Variants in STAG1 observed in about 807,000 individuals in gnomAD.
The protein encoded by STAG1 is STAG1 cohesin complex component, also known as cohesin subunit SA-1.
In STAG1, 26 loss-of-function variants were observed where a neutral mutation model predicts 170.9. That is an observed-to-expected ratio of 0.15 (90% confidence interval 0.11 to 0.21). The LOEUF (loss-of-function observed/expected upper bound fraction) is 0.21, where lower values mean the gene tolerates loss of function less well. Ranked by LOEUF, STAG1 falls within the 10% of genes least tolerant of loss-of-function variation. The probability of loss-of-function intolerance (pLI) is 1.00; values close to 1 mark genes in which losing one functional copy is unlikely to be tolerated. For missense variants in STAG1, 964 were observed against 1,509.5 expected, an observed-to-expected ratio of 0.64 and a Z score of 5.99; for synonymous variants, 514 against 497.7, an observed-to-expected ratio of 1.03 and a Z score of -0.44.
In STAG1 at chr3:136,702,812, G is replaced by A. The variant is rs554374383; in HGVS notation, c.-84+49383C>T. Among the ~76,000 whole-genome samples, 140 of 152,150 alleles carry A rather than the reference G, an allele frequency of 9.2e-4. 1 individual carries two copies. The South Asian group carries it at 0.013, about 14-fold the overall frequency. On this transcript the variant is annotated intron_variant, in intron 1 of 33. Transcript: ENST00000383202. ...GGGCCAGGCACGGTGGCTCACACCCGTAATCCCAGCACTATGAGAGGCCGA... is the reference window on the plus strand; with the variant it reads ...GGGCCAGGCACGGTGGCTCACACCCATAATCCCAGCACTATGAGAGGCCGA...
chr3:136,604,229 T>C (rs1160778075), intron 4 of STAG1, 80 bp downstream of exon 4: 3 of 1,252,542 alleles, frequency 2.4e-6, no homozygotes, highest in Non-Finnish European at 3.3e-6. Flanking sequence ...GTATATAAAG[T>C]GCCAATATAC....
intron 3 of STAG1, among the ~76,000 whole-genome samples, chr3:136,618,627 T>G (rs139232073): frequency 6.6e-6 from 1 of 152,206 alleles, no homozygotes; most frequent in East Asian, 1.9e-4. Context: ...GGGTTAAGGT[T>G]AGAGAGGTGC....
At chr3:136,693,633 G>A (rs565670465) in intron 1 of STAG1, among the ~76,000 whole-genome samples, 1 of 152,160 alleles carries the variant, frequency 6.6e-6, no homozygotes, top group East Asian at 1.9e-4. Flanking sequence ...CTGGAGGTAC[G>A]TTCACCACTC....
intron 14 of STAG1, among the ~76,000 whole-genome samples, chr3:136,450,817 T>G (rs2088914803): frequency 6.6e-6 from 1 of 152,188 alleles, no homozygotes; most frequent in African/African-American, 2.4e-5. Flanking sequence ...CAATCTCGGC[T>G]CACTGCATGC....
chr3:136,518,545 T>C lies in STAG1; in HGVS notation c.676+2668A>G, dbSNP rs1343584844. 1.5e-5 allele frequency: 9 copies of C among 600,082 alleles called. No homozygotes were observed. In the East Asian group the frequency reaches 2.6e-4, roughly 17 times the overall value. 37.2% of individuals were successfully genotyped at this position (600,082 alleles called of 1,614,324 possible). On this transcript the variant is annotated intron_variant, in intron 7 of 33. Coordinates refer to ENST00000383202, the MANE Select transcript of STAG1 (RefSeq NM_005862.3). ...GGATAATTGTTGTCCAGCCTGGAATTAAGTTCTCAGCAAGCCCTCTGTGCT... is the reference window on the plus strand; with the variant it reads ...GGATAATTGTTGTCCAGCCTGGAATCAAGTTCTCAGCAAGCCCTCTGTGCT...
intron 1 of STAG1, among the ~76,000 whole-genome samples, chr3:136,678,509 C>T (rs1243295972): frequency 1.4e-5 from 2 of 138,354 alleles, no homozygotes; most frequent in Non-Finnish European, 3.1e-5. Context: ...CAAAAATAAA[C>T]GAGGTAAACA....
intron 1 of STAG1, among the ~76,000 whole-genome samples, chr3:136,742,881 G>A (rs1015278039): frequency 2.0e-5 from 3 of 152,042 alleles, no homozygotes; most frequent in Non-Finnish European, 4.4e-5. Flanking sequence ...AGCTTTAAAT[G>A]TATTTATTAG....
chr3:136,461,432 G>A (rs369530038), intron 13 of STAG1, among the ~76,000 whole-genome samples: 21 of 152,052 alleles, frequency 1.4e-4, no homozygotes, highest in African/African-American at 3.6e-4. Context: ...AACAGACTCC[G>A]CCCAAAAAAT....
chr3:136,428,724 G>A (rs957124891), intron 16 of STAG1, among the ~76,000 whole-genome samples: 12 of 152,154 alleles, frequency 7.9e-5, no homozygotes, highest in East Asian at 7.7e-4. Flanking sequence ...TGTTATGTAC[G>A]ATTTCACAGA....
chr3:136,456,609 A>C (rs1157747269), intron 13 of STAG1, among the ~76,000 whole-genome samples: 2 of 152,226 alleles, frequency 1.3e-5, no homozygotes, highest in African/African-American at 4.8e-5. Flanking sequence ...TAAGGCTGAA[A>C]ATTCCCCAAA....
intron 1 of STAG1, among the ~76,000 whole-genome samples, chr3:136,744,029 C>G (rs1211862044): frequency 6.6e-6 from 1 of 152,180 alleles, no homozygotes; most frequent in Non-Finnish European, 1.5e-5. Context: ...CATCCTGGTA[C>G]AAAAATACAA....
intron 1 of STAG1, among the ~76,000 whole-genome samples, chr3:136,719,510 T>G (rs1225209519): frequency 6.6e-6 from 1 of 151,328 alleles, no homozygotes; most frequent in African/African-American, 2.4e-5. Context: ...ATGTAAATTA[T>G]ACCTCAACGT....
At chr3:136,472,001 T>G (rs888720259) in intron 12 of STAG1, among the ~76,000 whole-genome samples, 5 of 152,074 alleles carry the variant, frequency 3.3e-5, no homozygotes, top group Non-Finnish European at 7.4e-5. Context: ...CCATGCCAGT[T>G]AATTTTTTTA....
chr3:136,477,418 G>C lies in STAG1; in HGVS notation c.903-6C>G. 2.5e-6 allele frequency: 4 copies of C among 1,590,760 alleles called. No homozygotes were observed. Among genetic ancestry groups the C allele is most frequent in the South Asian group, 1.2e-5 (1 of 86,628 alleles). On this transcript the variant is annotated splice_region_variant and splice_polypyrimidine_tract_variant and intron_variant, in intron 9 of 33. Coordinates refer to ENST00000383202, the MANE Select transcript of STAG1 (RefSeq NM_005862.3). ...TAATCTCAGCAATAGCATCACTAGA[G>C]AGAGAAAAAAAAGACAATCTCAAAT... is the stretch of plus-strand genomic sequence containing the variant.
At chr3:136,750,841 T>C (rs536782071) in intron 1 of STAG1, among the ~76,000 whole-genome samples, 1 of 152,374 alleles carries the variant, frequency 6.6e-6, no homozygotes, top group South Asian at 2.1e-4. Context: ...TCAGTCTGAA[T>C]TCCTCATACA....
intron 21 of STAG1, among the ~76,000 whole-genome samples, chr3:136,417,381 C>T (rs939469152): frequency 6.6e-6 from 1 of 152,148 alleles, no homozygotes; most frequent in African/African-American, 2.4e-5. Flanking sequence ...AATTATTCTA[C>T]TGAAGTCTCT....
rs1413727244 is a variant in STAG1 at position 136,349,330 on chromosome 3, C to G, written c.3099G>C (p.Gln1033His). 6.2e-7 allele frequency: 1 copy of G among 1,613,854 alleles called. No individual in the cohort carries two copies. Among genetic ancestry groups the G allele is most frequent in the Non-Finnish European group, 8.5e-7 (1 of 1,179,892 alleles). The change falls in exon 29 of 34, where the codon CAG (glutamine) becomes CAC (histidine). Residue 1033 changes from glutamine (Q) to histidine (H), a missense_variant. Gln to His is a conservative substitution (Grantham distance 24). This residue lies in a region of STAG1 where 149 missense variants were observed against 301.3 expected (regional missense o/e 0.49). Coordinates refer to ENST00000383202, the MANE Select transcript of STAG1 (RefSeq NM_005862.3). Reference sequence around the variant, plus strand: ...ATACATCCTCCCTCCTTTCCATCATCTGCTCGGTAAGGAATTTCTCTAGGT... The same window carrying G: ...ATACATCCTCCCTCCTTTCCATCATGTGCTCGGTAAGGAATTTCTCTAGGT... ...HSYLEKFLTEQMMERREDVWL... is the reference protein window; with the variant it reads ...HSYLEKFLTEHMMERREDVWL...
intron 1 of STAG1, among the ~76,000 whole-genome samples, chr3:136,715,302 T>G (rs937149922): frequency 6.6e-6 from 1 of 151,324 alleles, no homozygotes; most frequent in Admixed American, 6.6e-5. Context: ...TATGAGCCAC[T>G]GCACCAGGGC....
chr3:136,401,402 G>A (rs912285923), intron 21 of STAG1, among the ~76,000 whole-genome samples: 9 of 152,108 alleles, frequency 5.9e-5, no homozygotes, highest in African/African-American at 1.9e-4. Context: ...GATGCTCTAA[G>A]AATAGGACTT....
Sources: allele counts gnomAD v4.1 joint callset (sites outside exome capture counted in the v4.1 genomes callset), GRCh38; gene constraint gnomAD v4.1.1; regional missense constraint gnomAD v4.1.1; transcripts MANE v1.5; gene names NCBI Gene and HGNC (gene_info 2026-07-23, HGNC 2026-07-21).